Variants in CNR1 observed in about 807,000 individuals in gnomAD.
CNR1 encodes the protein cannabinoid receptor 1 (brain).
A neutral mutation model predicts 23.0 loss-of-function variants in CNR1; 10 were observed. That is an observed-to-expected ratio of 0.43 (90% CI 0.27 to 0.74). The LOEUF (loss-of-function observed/expected upper bound fraction) is 0.74. CNR1 is among the 30% of genes least tolerant of loss of function. The pLI is 0.19. For synonymous variants in CNR1, 271 were observed against 255.2 expected (o/e 1.06, Z -0.59); for missense variants, 422 against 618.8 (o/e 0.68, Z 3.37).
chr6:88,162,482 C>CT (rs1778157374), intron 1 of CNR1, among the ~76,000 whole-genome samples: 1 of 152,132 alleles, frequency 6.6e-6, no homozygotes, highest in Admixed American at 6.5e-5. Flanking sequence ...CCAATCTAAT[C>CT]TAAGAATATA....
intron 1 of CNR1, among the ~76,000 whole-genome samples, chr6:88,146,005 T>C (rs1162372518): frequency 6.6e-6 from 1 of 152,178 alleles, no homozygotes. Context: ...GACGGAGCCA[T>C]GGCTGACATG....
At position 88,144,046 on chromosome 6, in the gene CNR1, C is replaced by G; in HGVS notation, c.1229G>C (p.Ser410Thr). The G allele has an allele frequency of 6.2e-7, 1 of 1,614,052 alleles. No individual in the cohort carries two copies. Among genetic ancestry groups the G allele is most frequent in the South Asian group, 1.1e-5 (1 of 91,058 alleles). Residue 410 changes from serine (S) to threonine (T), a missense_variant, in exon 2 of 2, where the codon AGC becomes ACC. By Grantham distance (58) the Ser-to-Thr change is moderately conservative. Transcript: ENST00000369501. The surrounding 1 kb of genome is among the most constrained non-coding windows in gnomAD (Gnocchi z 7.8). ...AGTGCCTTCACAAGAGGGAAACATG[C>G]TCCGGAAAGCGTGTCGCAGGTCCTT... is the stretch of plus-strand genomic sequence containing the variant. The part of the protein sequence containing the change: ...RSKDLRHAFR[S>T]MFPSCEGTAQ...
At chr6:88,156,663 T>C (rs1269813481) in intron 1 of CNR1, among the ~76,000 whole-genome samples, 1 of 152,228 alleles carries the variant, frequency 6.6e-6, no homozygotes, top group Non-Finnish European at 1.5e-5. Context: ...CTTCAGACCA[T>C]GAACACCTTG....
intron 1 of CNR1, among the ~76,000 whole-genome samples, chr6:88,161,578 T>C (rs982108864): frequency 2.0e-5 from 3 of 152,250 alleles, no homozygotes; most frequent in Non-Finnish European, 4.4e-5. Context: ...TTTTTTTCAT[T>C]ATGGGGCCTT....
At chr6:88,147,404 T>C (rs753423579) in intron 1 of CNR1, among the ~76,000 whole-genome samples, 14 of 152,056 alleles carry the variant, frequency 9.2e-5, no homozygotes, top group South Asian at 4.2e-4. Context: ...AGAGCTACAA[T>C]TGGGGACGTA....
chr6:88,157,155 G>A (rs983773040), intron 1 of CNR1, among the ~76,000 whole-genome samples: 1 of 152,114 alleles, frequency 6.6e-6, no homozygotes, highest in African/African-American at 2.4e-5. Flanking sequence ...GCTGTTGATA[G>A]ACCTTTAAAG....
chr6:88,145,536 C>T (rs151098319), intron 1 of CNR1, among the ~76,000 whole-genome samples, 199 bp from the exon 2 acceptor site: 273 of 152,302 alleles, frequency 1.8e-3, no homozygotes, highest in African/African-American at 6.3e-3. Context: ...TCAGGGATGG[C>T]GTGGCACATG....
At position 88,144,127 on chromosome 6, in the gene CNR1, C is replaced by T; in HGVS notation, c.1148G>A (p.Ser383Asn). The T allele has an allele frequency of 6.2e-7, 1 of 1,614,064 alleles. No individual in the cohort carries two copies. The highest frequency in any genetic ancestry group is 8.5e-7 in the Non-Finnish European group (1 of 1,180,010). Reference protein sequence around the residue: ...KLIKTVFAFCSMLCLLNSTVN... With the variant: ...KLIKTVFAFCNMLCLLNSTVN... ...GGTGGAGTTCAGCAGGCAGAGCATA[C>T]TGCAGAATGCAAACACCGTCTTAAT... The change falls in exon 2 of 2, where the codon AGT (serine) becomes AAT (asparagine). Residue 383 changes from serine (S) to asparagine (N), a missense_variant. By Grantham distance (46) the Ser-to-Asn change is conservative. Around this residue, in one of 4 missense-constraint regions of CNR1, gnomAD observed 12 missense variants for 45.9 expected, o/e 0.26. Transcript: ENST00000369501. The surrounding 1 kb of genome is among the most constrained non-coding windows in gnomAD (Gnocchi z 7.8).
chr6:88,141,818 T>C lies in CNR1; in HGVS notation c.*2038A>G, dbSNP rs1466770046. 2.0e-5 allele frequency: 3 copies of C among 152,350 alleles called. No homozygotes were observed. Among genetic ancestry groups the C allele is most frequent in the Non-Finnish European group, 4.4e-5 (3 of 68,074 alleles). 9.4% of individuals were successfully genotyped at this position (152,350 alleles called of 1,614,324 possible). A position where few individuals can be genotyped will look rare whatever the true frequency, so the allele number is the denominator to read the frequency against. On this transcript the variant is annotated 3_prime_UTR_variant, in exon 2 of 2. Coordinates refer to ENST00000369501, the MANE Select transcript of CNR1 (RefSeq NM_016083.6). Reference sequence around the variant, plus strand: ...GAGCGTGAACCGTAAGAAGGGGAACTGCCCCATCAGGCTGCTTGGGTATCT... The same window carrying C: ...GAGCGTGAACCGTAAGAAGGGGAACCGCCCCATCAGGCTGCTTGGGTATCT...
chr6:88,160,805 C>T lies in CNR1; in HGVS notation c.-64+4998G>A, dbSNP rs74471956. On this transcript the variant is annotated intron_variant, in intron 1 of 1. Coordinates refer to ENST00000369501, the MANE Select transcript of CNR1 (RefSeq NM_016083.6). ...GAATGTAATACTCCTTAAAACTTCA[C>T]TCAATTTTCAGGACTCATATTGATT... 8.2e-3 allele frequency among the ~76,000 whole-genome samples: 1,256 copies of T among 152,272 alleles called. 20 individuals are homozygous for T. The highest frequency in any genetic ancestry group is 0.029 in the African/African-American group (1,205 of 41,550).
chr6:88,147,815 C>T (rs1394755902), intron 1 of CNR1: 1 of 152,336 alleles, frequency 6.6e-6, no homozygotes, highest in African/African-American at 2.4e-5. Flanking sequence ...CCCTAAAAAC[C>T]AAATATAAAC....
At chr6:88,146,962 C>T (rs755452637) in intron 1 of CNR1, among the ~76,000 whole-genome samples, 22 of 152,068 alleles carry the variant, frequency 1.4e-4, no homozygotes, top group South Asian at 4.2e-4. Context: ...TGTCTAGCTA[C>T]GGTACTAGAC....
At chr6:88,146,107 C>A (rs545711188) in intron 1 of CNR1, among the ~76,000 whole-genome samples, 7 of 150,628 alleles carry the variant, frequency 4.6e-5, no homozygotes, top group African/African-American at 1.7e-4. Context: ...TTTTTTCTTT[C>A]TTTCTTTCTT....
At position 88,143,732 on chromosome 6, in the gene CNR1, A is replaced by G. The variant is rs1049354; in HGVS notation, c.*124T>C. 2.8e-6 allele frequency: 2 copies of G among 716,264 alleles called. No individual in the cohort carries two copies. Among genetic ancestry groups the G allele is most frequent in the Non-Finnish European group, 4.8e-6 (2 of 418,404 alleles). The allele number at this position is 716,264 out of a possible 1,614,324, so 44.4% of individuals were successfully genotyped here. Reference sequence around the variant, plus strand: ...AGCAAACTGATAAGTGATCATGGTGACAATCACCTTTTCATTGAGCATGGT... The same window carrying G: ...AGCAAACTGATAAGTGATCATGGTGGCAATCACCTTTTCATTGAGCATGGT... On this transcript the variant is annotated 3_prime_UTR_variant, in exon 2 of 2. Coordinates refer to ENST00000369501, the MANE Select transcript of CNR1 (RefSeq NM_016083.6).
At chr6:88,160,825 T>C (rs1778063782) in intron 1 of CNR1, among the ~76,000 whole-genome samples, 1 of 152,200 alleles carries the variant, frequency 6.6e-6, no homozygotes, top group African/African-American at 2.4e-5. Flanking sequence ...AGGACTCATA[T>C]TGATTCCAAT....
intron 1 of CNR1, among the ~76,000 whole-genome samples, chr6:88,161,863 T>C (rs920962960): frequency 1.2e-4 from 18 of 152,208 alleles, no homozygotes; most frequent in Admixed American, 3.9e-4. Flanking sequence ...TGTGGTAACG[T>C]TGTAATGTGT....
chr6:88,142,300 C>G lies in CNR1; in HGVS notation c.*1556G>C, dbSNP rs760558685. ...GATTCAGCTTTTTTAGCCACATGGG[C>G]TGGGTGTGATAGTCCTACTTTAACG... is the stretch of plus-strand genomic sequence containing the variant. On this transcript the variant is annotated 3_prime_UTR_variant, in exon 2 of 2. Transcript: ENST00000369501. 1 of 152,372 alleles carries G rather than the reference C, an allele frequency of 6.6e-6. No homozygotes were observed. Among genetic ancestry groups the G allele is most frequent in the Non-Finnish European group, 1.5e-5 (1 of 68,056 alleles). 9.4% of individuals were successfully genotyped at this position (152,372 alleles called of 1,614,324 possible).
chr6:88,166,324 G>C lies in CNR1; in HGVS notation c.-585C>G, dbSNP rs1778369897. 1 of 152,270 alleles carries C rather than the reference G, an allele frequency of 6.6e-6. No individual in the cohort carries two copies. Among genetic ancestry groups the C allele is most frequent in the East Asian group, 1.9e-4 (1 of 5,174 alleles). 9.4% of individuals were successfully genotyped at this position (152,270 alleles called of 1,614,324 possible). Reference sequence around the variant, plus strand: ...TCGTCCCGCTCGCGCAGTCCCTGCCGCTCCCTCCGCTCGCGCTGTCTCTGG... The same window carrying C: ...TCGTCCCGCTCGCGCAGTCCCTGCCCCTCCCTCCGCTCGCGCTGTCTCTGG... On this transcript the variant is annotated 5_prime_UTR_variant, in exon 1 of 2. Transcript: ENST00000369501.
rs1239393352 is a variant in CNR1 at position 88,140,927 on chromosome 6, A to C, written c.*2929T>G. On this transcript the variant is annotated 3_prime_UTR_variant, in exon 2 of 2. Coordinates refer to ENST00000369501, the MANE Select transcript of CNR1 (RefSeq NM_016083.6). ...AGAGGTTCCTCTTGGAGGCAGCCCT[A>C]CTTGTGCAAATGAAACATTCTAGGA... is the stretch of plus-strand genomic sequence containing the variant. 6.6e-6 allele frequency: 1 copy of C among 152,302 alleles called. No individual in the cohort carries two copies. The highest frequency in any genetic ancestry group is 1.5e-5 in the Non-Finnish European group (1 of 68,020). The allele number at this position is 152,302 out of a possible 1,614,324, so 9.4% of individuals were successfully genotyped here.
Sources: allele counts gnomAD v4.1 joint callset (sites outside exome capture counted in the v4.1 genomes callset), GRCh38; gene constraint gnomAD v4.1.1; regional missense constraint gnomAD v4.1.1; non-coding constraint Gnocchi (gnomAD v3.1); transcripts MANE v1.5; gene names NCBI Gene and HGNC (gene_info 2026-07-23, HGNC 2026-07-21).